LPAR3: variants seen among roughly 807,000 people sequenced by gnomAD.
LPAR3 encodes lysophosphatidic acid receptor 3.
A neutral mutation model predicts 17.8 loss-of-function variants in LPAR3; 7 were observed. The ratio of observed to expected loss-of-function variants is 0.39; its 90% CI spans 0.22 to 0.74. The LOEUF (loss-of-function observed/expected upper bound fraction) is 0.74, where lower values mean the gene tolerates loss of function less well. LPAR3 is among the 30% of genes least tolerant of loss of function. The probability of loss-of-function intolerance (pLI) is 0.40; values close to 1 mark genes in which losing one functional copy is unlikely to be tolerated. For missense variants in LPAR3, 391 were observed against 453.4 expected, an observed-to-expected ratio of 0.86 and a Z score of 1.25; for synonymous variants, 179 against 179.9, an observed-to-expected ratio of 0.99 and a Z score of 0.04.
At chr1:84,878,275 C>G (rs533508840) in intron 1 of LPAR3, among the ~76,000 whole-genome samples, 1 of 152,052 alleles carries the variant, frequency 6.6e-6, no homozygotes, top group African/African-American at 2.4e-5. Flanking sequence ...ATAGTTATTC[C>G]CTTCTTCAAA....
intron 2 of LPAR3, among the ~76,000 whole-genome samples, chr1:84,840,326 T>A (rs2389786): frequency 6.6e-6 from 1 of 152,070 alleles, no homozygotes; most frequent in East Asian, 1.9e-4. Context: ...GAGGAACTGA[T>A]CAAGATAAAG....
intron 2 of LPAR3, among the ~76,000 whole-genome samples, chr1:84,825,482 T>C (rs577209263): frequency 2.6e-5 from 4 of 152,320 alleles, no homozygotes; most frequent in South Asian, 4.1e-4. Context: ...CTGAATTTAA[T>C]GTTCTCTGCA....
intron 1 of LPAR3, among the ~76,000 whole-genome samples, chr1:84,868,805 T>C (rs1660103859): frequency 6.6e-6 from 1 of 152,198 alleles, no homozygotes; most frequent in Non-Finnish European, 1.5e-5. Flanking sequence ...TGCTTTGATC[T>C]TGGACCTCCT....
intron 2 of LPAR3, among the ~76,000 whole-genome samples, chr1:84,855,089 C>T (rs961770160): frequency 6.6e-6 from 1 of 152,164 alleles, no homozygotes; most frequent in Non-Finnish European, 1.5e-5. Context: ...TCTTGGTTCC[C>T]TTACCCCTTA....
chr1:84,856,356 C>T (rs768353827), intron 2 of LPAR3, among the ~76,000 whole-genome samples: 5 of 152,214 alleles, frequency 3.3e-5, no homozygotes, highest in African/African-American at 9.6e-5. Context: ...ACAATCTGTT[C>T]ATTTCACTCA....
intron 2 of LPAR3, among the ~76,000 whole-genome samples, chr1:84,831,467 A>C (rs1659281451): frequency 6.6e-6 from 1 of 152,162 alleles, no homozygotes; most frequent in South Asian, 2.1e-4. Flanking sequence ...AAAAAAATAA[A>C]ATAAGCCAAA....
intron 2 of LPAR3, among the ~76,000 whole-genome samples, chr1:84,839,101 G>A (rs1218965856): frequency 1.3e-5 from 2 of 152,138 alleles, no homozygotes; most frequent in Non-Finnish European, 2.9e-5. Flanking sequence ...AACCCTCCGA[G>A]GTAGGTATTA....
At chr1:84,830,594 G>A (rs2102749456) in intron 2 of LPAR3, among the ~76,000 whole-genome samples, 1 of 152,284 alleles carries the variant, frequency 6.6e-6, no homozygotes, top group Admixed American at 6.5e-5. Flanking sequence ...CAGCTAGACT[G>A]AGAGCACCTC....
chr1:84,840,001 C>T (rs1659478006), intron 2 of LPAR3, among the ~76,000 whole-genome samples: 1 of 152,210 alleles, frequency 6.6e-6, no homozygotes, highest in South Asian at 2.1e-4. Flanking sequence ...CAGCTCACTG[C>T]AGCCTTGAAC....
intron 2 of LPAR3, among the ~76,000 whole-genome samples, chr1:84,819,951 T>G (rs1233729978): frequency 6.6e-6 from 1 of 152,172 alleles, no homozygotes; most frequent in Non-Finnish European, 1.5e-5. Flanking sequence ...ACTGGGCACA[T>G]TACCTGCTTA....
chr1:84,857,473 C>T (rs932774147), intron 2 of LPAR3, among the ~76,000 whole-genome samples: 2 of 152,152 alleles, frequency 1.3e-5, no homozygotes, highest in African/African-American at 2.4e-5. Flanking sequence ...CAGTTCCCCC[C>T]GCCGACTCCA....
At chr1:84,870,576 C>T (rs1288784522) in intron 1 of LPAR3, among the ~76,000 whole-genome samples, 1 of 152,172 alleles carries the variant, frequency 6.6e-6, no homozygotes, top group Non-Finnish European at 1.5e-5. Context: ...AATATCTCTA[C>T]TTTATTATTA....
chr1:84,887,864 G>C (rs1202082570), intron 1 of LPAR3, among the ~76,000 whole-genome samples: 1 of 152,174 alleles, frequency 6.6e-6, no homozygotes, highest in Non-Finnish European at 1.5e-5. Context: ...CGTTCCAGAA[G>C]AGACATGGTA....
intron 1 of LPAR3, among the ~76,000 whole-genome samples, chr1:84,892,710 T>G (rs1414716301): frequency 2.0e-5 from 3 of 152,118 alleles, no homozygotes; most frequent in African/African-American, 7.2e-5. Flanking sequence ...CGTGCGGCGC[T>G]CTCCTGGCCT....
chr1:84,866,233 A>T, intron 1 of LPAR3, 95 bp from the exon 2 acceptor site: 5 of 931,266 alleles, frequency 5.4e-6, no homozygotes, highest in Non-Finnish European at 6.6e-6. Flanking sequence ...GCTAACTCCC[A>T]TCAAGGGAGT....
intron 2 of LPAR3, among the ~76,000 whole-genome samples, chr1:84,833,323 G>A (rs1485781814): frequency 6.6e-6 from 1 of 152,114 alleles, no homozygotes; most frequent in Non-Finnish European, 1.5e-5. Flanking sequence ...TGACTCATTT[G>A]GCATTTTTAC....
At chr1:84,848,656 C>T (rs1570880449) in intron 2 of LPAR3, among the ~76,000 whole-genome samples, 1 of 152,184 alleles carries the variant, frequency 6.6e-6, no homozygotes, top group Admixed American at 6.5e-5. Flanking sequence ...TGAGAGTCCA[C>T]TCCATGCAAC....
chr1:84,822,810 T>C (rs1231615950), intron 2 of LPAR3, among the ~76,000 whole-genome samples: 2 of 152,214 alleles, frequency 1.3e-5, no homozygotes, highest in Non-Finnish European at 2.9e-5. Context: ...CATATTTCCA[T>C]CTGTTTAAAA....
intron 2 of LPAR3, among the ~76,000 whole-genome samples, chr1:84,819,051 T>C (rs1005436869): frequency 6.6e-6 from 1 of 152,226 alleles, no homozygotes; most frequent in African/African-American, 2.4e-5. Flanking sequence ...TCGACTTACA[T>C]GTTTAACAAA....
Sources: allele counts gnomAD v4.1 joint callset (sites outside exome capture counted in the v4.1 genomes callset), GRCh38; gene constraint gnomAD v4.1.1; transcripts MANE v1.5; gene names NCBI Gene and HGNC (gene_info 2026-07-23, HGNC 2026-07-21).